PAK3: variants seen among roughly 807,000 people sequenced by gnomAD.
PAK3 encodes the protein p21 (RAC1) activated kinase 3, also known as serine/threonine-protein kinase PAK 3.
PAK3 carries 4 observed loss-of-function variants against 41.0 expected under a neutral mutation model. The observed-to-expected ratio is 0.10, with a 90% CI of 0.05 to 0.22. The LOEUF (loss-of-function observed/expected upper bound fraction) is 0.22, where lower values mean the gene tolerates loss of function less well. Ranked by LOEUF, PAK3 falls within the 10% of genes least tolerant of loss-of-function variation. The probability of loss-of-function intolerance (pLI) is 1.00; values close to 1 mark genes in which losing one functional copy is unlikely to be tolerated. For synonymous variants in PAK3, 146 were observed against 139.6 expected (o/e 1.05, Z -0.32); for missense variants, 205 against 409.9 (o/e 0.50, Z 4.32).
intron 1 of PAK3, among the ~76,000 whole-genome samples, chrX:110,965,551 T>A (rs1006923892): frequency 3.6e-5 from 4 of 112,151 alleles, no homozygotes; most frequent in Non-Finnish European, 7.5e-5. Context: ...ACTATAGCAC[T>A]GTGGTTAAGA....
intron 1 of PAK3, among the ~76,000 whole-genome samples, chrX:110,945,856 T>C (rs2090607981): frequency 8.9e-6 from 1 of 112,269 alleles, no homozygotes; most frequent in Non-Finnish European, 1.9e-5. Flanking sequence ...ATTTGTGGTT[T>C]TAATAAAGCA....
chrX:111,196,223 G>A (rs1441975920), intron 15 of PAK3, among the ~76,000 whole-genome samples: 2 of 111,746 alleles, frequency 1.8e-5, no homozygotes, highest in Non-Finnish European at 3.8e-5. Context: ...TGATGAGAGG[G>A]AATTAGATTG....
At chrX:110,980,605 A>G (rs1222511551) in intron 1 of PAK3, among the ~76,000 whole-genome samples, 1 of 111,829 alleles carries the variant, frequency 8.9e-6, no homozygotes, top group Non-Finnish European at 1.9e-5. Flanking sequence ...TGGATAGGAG[A>G]AACGACATAC....
chrX:111,110,680 T>C (rs2093355345), intron 4 of PAK3, among the ~76,000 whole-genome samples: 2 of 110,427 alleles, frequency 1.8e-5, no homozygotes, highest in African/African-American at 6.6e-5. Context: ...ATAAATACTG[T>C]GTGGTTCTGC....
At chrX:111,217,082 T>A in intron 17 of PAK3, 1 of 714,407 alleles carries the variant, frequency 1.4e-6, no homozygotes, top group African/African-American at 2.3e-5. Flanking sequence ...GGGATTAGTA[T>A]ACATGATGAG....
chrX:110,946,790 A>C (rs2090628662), intron 1 of PAK3, among the ~76,000 whole-genome samples: 1 of 112,651 alleles, frequency 8.9e-6, no homozygotes, highest in Non-Finnish European at 1.9e-5. Context: ...TGAATATTAA[A>C]TCCATTGGCT....
intron 14 of PAK3, among the ~76,000 whole-genome samples, chrX:111,195,427 C>T (rs2094603898): frequency 8.9e-6 from 1 of 112,032 alleles, no homozygotes; most frequent in Non-Finnish European, 1.9e-5. Flanking sequence ...TAGTTTGGGG[C>T]ACTTGTTTTA....
At chrX:111,012,525 G>A (rs760074887) in intron 1 of PAK3, among the ~76,000 whole-genome samples, 2 of 112,033 alleles carry the variant, frequency 1.8e-5, no homozygotes, top group African/African-American at 6.5e-5. Context: ...AATTTTGTTG[G>A]CAGCAGACAT....
At chrX:111,013,003 G>A (rs1013894847) in intron 1 of PAK3, among the ~76,000 whole-genome samples, 2 of 111,857 alleles carry the variant, frequency 1.8e-5, no homozygotes, top group South Asian at 3.7e-4. Flanking sequence ...AGGTTGGGCC[G>A]AAGCAAGCCT....
At chrX:111,046,814 A>G (rs995633305) in intron 1 of PAK3, among the ~76,000 whole-genome samples, 7 of 112,278 alleles carry the variant, frequency 6.2e-5, no homozygotes, top group African/African-American at 1.9e-4. Flanking sequence ...GATAACTATG[A>G]ATATTTTAGG....
At chrX:111,107,373 G>A (rs2093288337) in intron 4 of PAK3, among the ~76,000 whole-genome samples, 1 of 112,447 alleles carries the variant, frequency 8.9e-6, no homozygotes, top group Non-Finnish European at 1.9e-5. Context: ...AATTTCAACA[G>A]CTGTTACTAA....
chrX:111,211,121 G>T (rs1476544394), intron 16 of PAK3, among the ~76,000 whole-genome samples: 2 of 111,451 alleles, frequency 1.8e-5, no homozygotes, highest in Non-Finnish European at 3.8e-5. Flanking sequence ...GAACAAATTG[G>T]TGTGAGTAGT....
intron 5 of PAK3, among the ~76,000 whole-genome samples, chrX:111,133,071 C>T (rs143208320): frequency 0.018 from 1,981 of 111,839 alleles, 19 homozygotes; most frequent in Middle Eastern, 0.037. Flanking sequence ...TTTAGCAGCA[C>T]ACAGCTATCT....
chrX:111,168,094 C>A (rs192285512), intron 10 of PAK3, among the ~76,000 whole-genome samples: 1 of 110,862 alleles, frequency 9.0e-6, no homozygotes, highest in African/African-American at 3.3e-5. Flanking sequence ...TTTACTTTTT[C>A]TCAGAAATCA....
chrX:111,065,062 T>G (rs751498129), intron 1 of PAK3, among the ~76,000 whole-genome samples: 1 of 112,536 alleles, frequency 8.9e-6, no homozygotes, highest in Middle Eastern at 4.6e-3. Context: ...TTCTCTTGCC[T>G]AATTGCTCTG....
At chrX:111,218,666 G>T (rs1026141507) in intron 17 of PAK3, among the ~76,000 whole-genome samples, 1 of 111,438 alleles carries the variant, frequency 9.0e-6, no homozygotes, top group Non-Finnish European at 1.9e-5. Flanking sequence ...AGCTGCAGGG[G>T]ATAATCCTAT....
intron 17 of PAK3, chrX:111,217,452 G>T: frequency 4.7e-6 from 4 of 850,789 alleles, no homozygotes; most frequent in Non-Finnish European, 6.2e-6. Context: ...TAAACAGAAG[G>T]TGCAACACTT....
chrX:111,117,017 C>G (rs1486052142), intron 4 of PAK3, among the ~76,000 whole-genome samples: 1 of 111,311 alleles, frequency 9.0e-6, no homozygotes, highest in Non-Finnish European at 1.9e-5. Context: ...AACAGCACAC[C>G]CCTGTCTCTG....
chrX:111,202,014 G>T (rs1449662603), intron 16 of PAK3, among the ~76,000 whole-genome samples: 1 of 109,787 alleles, frequency 9.1e-6, no homozygotes, highest in African/African-American at 3.3e-5. Flanking sequence ...AGGAATGGAG[G>T]GTTTTGCACA....
Sources: allele counts gnomAD v4.1 joint callset (sites outside exome capture counted in the v4.1 genomes callset), GRCh38; gene constraint gnomAD v4.1.1; transcripts MANE v1.5; gene names NCBI Gene and HGNC (gene_info 2026-07-23, HGNC 2026-07-21).